FCHSD2: variants seen among roughly 807,000 people sequenced by gnomAD.
The protein encoded by FCHSD2 is F-BAR and double SH3 domains protein 2.
A neutral mutation model predicts 108.1 loss-of-function variants in FCHSD2; 38 were observed. The observed-to-expected ratio is 0.35, with a 90% confidence interval of 0.27 to 0.46. FCHSD2 has a LOEUF of 0.46. Ranked by LOEUF, FCHSD2 falls within the 20% of genes least tolerant of loss-of-function variation. The probability of loss-of-function intolerance (pLI) is 1.00; values close to 1 mark genes in which losing one functional copy is unlikely to be tolerated. For synonymous variants in FCHSD2, 279 were observed against 314.7 expected (o/e 0.89, Z 1.20); for missense variants, 751 against 897.8 (o/e 0.84, Z 2.09).
chr11:72,911,158 A>AT (rs1487898146), intron 9 of FCHSD2, among the ~76,000 whole-genome samples: 2 of 152,102 alleles, frequency 1.3e-5, no homozygotes, highest in African/African-American at 4.8e-5. Context: ...TTTTGATTTG[A>AT]TTTTTGTATA....
At chr11:72,937,985 C>T (rs1045284952) in intron 8 of FCHSD2, among the ~76,000 whole-genome samples, 6 of 152,262 alleles carry the variant, frequency 3.9e-5, no homozygotes, top group Admixed American at 2.6e-4. Flanking sequence ...AGGGAAACAA[C>T]AGAATAATGC....
At chr11:73,077,152 C>T (rs562876635) in intron 3 of FCHSD2, among the ~76,000 whole-genome samples, 1 of 149,388 alleles carries the variant, frequency 6.7e-6, no homozygotes, top group South Asian at 2.1e-4. Flanking sequence ...TTGTTACGCT[C>T]ATTCGTTCTA....
chr11:73,039,293 G>A (rs11235640), intron 3 of FCHSD2, among the ~76,000 whole-genome samples: 34,148 of 151,912 alleles, frequency 0.22, 4,599 homozygotes, highest in Middle Eastern at 0.37. Context: ...AGAGGTGGGC[G>A]GATCACTTGA....
chr11:73,071,730 T>A (rs943844107), intron 3 of FCHSD2, among the ~76,000 whole-genome samples: 1 of 151,594 alleles, frequency 6.6e-6, no homozygotes, highest in Non-Finnish European at 1.5e-5. Flanking sequence ...TGTCCAGTAG[T>A]AGATTATTTG....
chr11:72,907,747 C>T (rs376386856), intron 9 of FCHSD2, among the ~76,000 whole-genome samples: 125 of 151,946 alleles, frequency 8.2e-4, no homozygotes, highest in East Asian at 2.3e-3. Flanking sequence ...CCCGCCACCA[C>T]GCCTGGCTGC....
intron 8 of FCHSD2, among the ~76,000 whole-genome samples, chr11:72,957,443 T>G (rs1477227514): frequency 3.3e-5 from 5 of 151,020 alleles, no homozygotes; most frequent in Non-Finnish European, 5.9e-5. Context: ...TTGTTGGACA[T>G]TTGGGTTGGT....
At chr11:73,001,662 C>T (rs901670229) in intron 4 of FCHSD2, among the ~76,000 whole-genome samples, 2 of 152,116 alleles carry the variant, frequency 1.3e-5, no homozygotes, top group African/African-American at 2.4e-5. Flanking sequence ...TATAAACTGA[C>T]GCGGCTGGAA....
At chr11:73,113,353 C>CTTTTTTTTT (rs35979371) in intron 2 of FCHSD2, among the ~76,000 whole-genome samples, 2 of 29,916 alleles carry the variant, frequency 6.7e-5, no homozygotes, top group Non-Finnish European at 1.2e-4. Flanking sequence ...CCAAGATGGT[C>CTTTTTTTTT]TTTTTTTTTT....
At chr11:73,097,585 G>A (rs1400596868) in intron 2 of FCHSD2, among the ~76,000 whole-genome samples, 3 of 146,960 alleles carry the variant, frequency 2.0e-5, no homozygotes, top group East Asian at 3.9e-4. Flanking sequence ...TAGTGGAACC[G>A]TCTAGTCCTA....
At chr11:72,884,662 G>A (rs945729998) in intron 12 of FCHSD2, among the ~76,000 whole-genome samples, 2 of 151,642 alleles carry the variant, frequency 1.3e-5, no homozygotes, top group Non-Finnish European at 2.9e-5. Flanking sequence ...CTGGAGTACA[G>A]TGGTCCAACC....
intron 8 of FCHSD2, among the ~76,000 whole-genome samples, chr11:72,945,345 T>C (rs1429665228): frequency 6.6e-6 from 1 of 152,206 alleles, no homozygotes; most frequent in Non-Finnish European, 1.5e-5. Context: ...TGGCTAGCCA[T>C]ATGTAGAAAG....
intron 3 of FCHSD2, among the ~76,000 whole-genome samples, chr11:73,041,165 AC>A (rs1299322491): frequency 6.6e-6 from 1 of 152,206 alleles, no homozygotes; most frequent in African/African-American, 2.4e-5. Context: ...TAACTTGGCT[AC>A]TATGAATAGT....
chr11:72,932,935 A>G (rs1421023991), intron 8 of FCHSD2, among the ~76,000 whole-genome samples: 1 of 152,232 alleles, frequency 6.6e-6, no homozygotes, highest in Non-Finnish European at 1.5e-5. Context: ...GAGAAATCTA[A>G]TGATGTTACA....
rs375101155 is a variant in FCHSD2, at chr11:73,049,290, A to G, written c.166-33405T>C. Among the ~76,000 whole-genome samples, 5 of 152,268 alleles carry G rather than the reference A, an allele frequency of 3.3e-5. No homozygotes were observed. In the East Asian group the frequency reaches 5.8e-4, roughly 18 times the overall value. On this transcript the variant is annotated intron_variant, in intron 3 of 19. Transcript: ENST00000409418. ...AAAACTTTAAGGAAAAAATTAAAAC[A>G]TGACAGAAACTGTCTCATACCCACA...
intron 13 of FCHSD2, among the ~76,000 whole-genome samples, chr11:72,864,133 T>C (rs914018640): frequency 1.3e-5 from 2 of 152,236 alleles, no homozygotes; most frequent in Non-Finnish European, 2.9e-5. Context: ...GACTGGCAGT[T>C]TGCCCTTGCA....
At chr11:73,056,339 T>C (rs1043142824) in intron 3 of FCHSD2, among the ~76,000 whole-genome samples, 5 of 152,186 alleles carry the variant, frequency 3.3e-5, no homozygotes, top group Admixed American at 2.0e-4. Flanking sequence ...AAATTGCTAA[T>C]TGATGTACAG....
intron 9 of FCHSD2, among the ~76,000 whole-genome samples, chr11:72,916,098 A>G (rs915624746): frequency 6.6e-6 from 1 of 152,106 alleles, no homozygotes; most frequent in Non-Finnish European, 1.5e-5. Context: ...AATCAGGAAA[A>G]ATAACTAATG....
chr11:72,946,070 C>T (rs570900044), intron 8 of FCHSD2, among the ~76,000 whole-genome samples: 1 of 152,248 alleles, frequency 6.6e-6, no homozygotes, highest in East Asian at 1.9e-4. Context: ...GATTATAAAT[C>T]ATGCTGCTAT....
At chr11:73,100,963 G>GT (rs1029529114) in intron 2 of FCHSD2, among the ~76,000 whole-genome samples, 7 of 150,906 alleles carry the variant, frequency 4.6e-5, no homozygotes, top group Non-Finnish European at 1.0e-4. Flanking sequence ...ACAGACCCTT[G>GT]TTTTTTACCA....
Sources: allele counts gnomAD v4.1 joint callset (sites outside exome capture counted in the v4.1 genomes callset), GRCh38; gene constraint gnomAD v4.1.1; transcripts MANE v1.5; gene names NCBI Gene and HGNC (gene_info 2026-07-23, HGNC 2026-07-21).